Variants in UNC13B observed in about 807,000 individuals in gnomAD.
The protein encoded by UNC13B is unc-13 homolog B, also known as protein unc-13 homolog B.
In UNC13B, 144 loss-of-function variants were observed where a neutral mutation model predicts 211.0. That is an observed-to-expected ratio of 0.68 (90% CI 0.60 to 0.78). The LOEUF (loss-of-function observed/expected upper bound fraction) is 0.78, where lower values mean the gene tolerates loss of function less well. Ranked by LOEUF, UNC13B falls within the 30% of genes least tolerant of loss-of-function variation. The pLI is 0.00. For missense variants in UNC13B, 1,777 were observed against 2,002.0 expected, an observed-to-expected ratio of 0.89 and a Z score of 2.14; for synonymous variants, 709 against 725.8, an observed-to-expected ratio of 0.98 and a Z score of 0.37.
chr9:35,195,667 A>T (rs1323974020), intron 1 of UNC13B, among the ~76,000 whole-genome samples: 1 of 152,224 alleles, frequency 6.6e-6, no homozygotes, highest in African/African-American at 2.4e-5. Context: ...ATAAGGTCTC[A>T]AATACCCTTT....
chr9:35,188,114 G>C (rs1822460452), intron 1 of UNC13B, among the ~76,000 whole-genome samples: 1 of 152,188 alleles, frequency 6.6e-6, no homozygotes. Context: ...TGTGAGTGCA[G>C]TCCATTTAGT....
chr9:35,349,293 A>G (rs1587673469), intron 11 of UNC13B, among the ~76,000 whole-genome samples: 1 of 151,220 alleles, frequency 6.6e-6, no homozygotes, highest in Admixed American at 6.6e-5. Context: ...AACATTGTTC[A>G]TGGCTAATAC....
intron 1 of UNC13B, among the ~76,000 whole-genome samples, chr9:35,202,179 T>C (rs1823342598): frequency 6.6e-6 from 1 of 152,204 alleles, no homozygotes; most frequent in Non-Finnish European, 1.5e-5. Context: ...GAGTTCTAGT[T>C]TGATTGCACT....
chr9:35,180,202 T>C (rs1821858338), intron 1 of UNC13B, among the ~76,000 whole-genome samples: 1 of 152,260 alleles, frequency 6.6e-6, no homozygotes, highest in Non-Finnish European at 1.5e-5. Flanking sequence ...TACTTGTTTG[T>C]CTTTTGGTTT....
chr9:35,218,423 C>G (rs1445250254), intron 1 of UNC13B, among the ~76,000 whole-genome samples: 1 of 152,048 alleles, frequency 6.6e-6, no homozygotes, highest in Admixed American at 6.6e-5. Flanking sequence ...CTGATTCATA[C>G]AGCTCAATAT....
chr9:35,310,862 A>G (rs759422285), intron 10 of UNC13B, 81 bp downstream of exon 10: 5 of 1,382,950 alleles, frequency 3.6e-6, no homozygotes, highest in East Asian at 2.4e-5. Context: ...AGTGATTGTC[A>G]TTTGTTTCCC....
At chr9:35,339,662 A>G (rs1321852664) in intron 11 of UNC13B, among the ~76,000 whole-genome samples, 1 of 152,238 alleles carries the variant, frequency 6.6e-6, no homozygotes, top group Admixed American at 6.5e-5. Context: ...AAGTTTGAAG[A>G]TTGTAACTGG....
At chr9:35,216,539 A>G (rs1181197987) in intron 1 of UNC13B, among the ~76,000 whole-genome samples, 2 of 152,186 alleles carry the variant, frequency 1.3e-5, no homozygotes, top group African/African-American at 4.8e-5. Flanking sequence ...TTTTCTCTTT[A>G]AAAGATGGTG....
At chr9:35,257,537 C>G (rs12350757) in intron 6 of UNC13B, among the ~76,000 whole-genome samples, 2,288 of 130,942 alleles carry the variant, frequency 0.017, 53 homozygotes, top group African/African-American at 0.062. Context: ...GCCGAAATAG[C>G]TCCACTGCAC....
chr9:35,342,921 CAGAG>C (rs369618006), intron 11 of UNC13B, among the ~76,000 whole-genome samples: 3 of 152,058 alleles, frequency 2.0e-5, no homozygotes, highest in Admixed American at 6.6e-5. Context: ...GAGAGAGAGA[CAGAG>C]AGAAAGAGAA....
At position 35,304,324 on chromosome 9, in the gene UNC13B, C is replaced by T. The variant is rs1829824612; in HGVS notation, c.4920C>T (p.Asp1640=). The T allele has an allele frequency of 2.5e-6, 1 of 398,608 alleles. No individual in the cohort carries two copies. Among genetic ancestry groups the T allele is most frequent in the Non-Finnish European group, 4.4e-6 (1 of 225,852 alleles). 24.7% of individuals were successfully genotyped at this position (398,608 alleles called of 1,614,324 possible). ...FSQVLKESSC[D]QSDQPLDFSG... ...AAGTACTTAAAGAGTCAAGTTGTGA[C>T]CAAAGCGATCAGCCACTAGATTTTT... is the stretch of plus-strand genomic sequence containing the variant. Residue 1640 remains aspartate, a synonymous_variant, in exon 9 of 40, where the codon GAC becomes GAT. Transcript: ENST00000635942.
rs1032534186 is a variant in UNC13B at position 35,303,079 on chromosome 9, C to T, written c.3675C>T (p.Val1225=). ...NGDNHLSLDE[V]PATSCVTSEN... ...ATAACCATTTATCCTTGGATGAGGT[C>T]CCTGCTACTTCATGTGTGACTTCTG... is the stretch of plus-strand genomic sequence containing the variant. Residue 1225 remains valine, a synonymous_variant, in exon 9 of 40, where the codon GTC becomes GTT. Transcript: ENST00000635942. 1.6e-4 allele frequency: 64 copies of T among 398,550 alleles called. No individual in the cohort carries two copies. Among genetic ancestry groups the T allele is most frequent in the Admixed American group, 8.8e-5 (2 of 22,690 alleles). The allele number at this position is 398,550 out of a possible 1,614,324, so 24.7% of individuals were successfully genotyped here.
At chr9:35,298,574 C>A (rs1040049376) in intron 8 of UNC13B, among the ~76,000 whole-genome samples, 3 of 152,174 alleles carry the variant, frequency 2.0e-5, no homozygotes, top group African/African-American at 7.2e-5. Flanking sequence ...CCTGCCTTGG[C>A]CTCCGAAAGT....
chr9:35,235,119 G>A (rs1441291833), intron 3 of UNC13B, among the ~76,000 whole-genome samples: 1 of 152,140 alleles, frequency 6.6e-6, no homozygotes, highest in Admixed American at 6.5e-5. Flanking sequence ...GTTTGAGTTA[G>A]TCCTTCCAAG....
chr9:35,378,718 T>C (rs1182711811), intron 17 of UNC13B, among the ~76,000 whole-genome samples: 1 of 152,112 alleles, frequency 6.6e-6, no homozygotes, highest in Non-Finnish European at 1.5e-5. Flanking sequence ...ATTTTACTAC[T>C]TTACTGCTCA....
At position 35,291,998 on chromosome 9, in the gene UNC13B, G is replaced by A. The variant is rs191645051; in HGVS notation, c.527-3698G>A. 4.6e-5 allele frequency among the ~76,000 whole-genome samples: 7 copies of A among 152,238 alleles called. No individual in the cohort carries two copies. In the South Asian group the frequency reaches 6.2e-4, roughly 14 times the overall value. Reference sequence around the variant, plus strand: ...TTATATCCTACTGCTCAAGGTCATCGCCAAGCAGTAGGTGACCTCAAGCAT... The same window carrying A: ...TTATATCCTACTGCTCAAGGTCATCACCAAGCAGTAGGTGACCTCAAGCAT... On this transcript the variant is annotated intron_variant, in intron 7 of 39. Coordinates refer to ENST00000635942, the MANE Select transcript of UNC13B (RefSeq NM_001371189.2).
At chr9:35,273,333 T>C (rs1192265265) in intron 7 of UNC13B, among the ~76,000 whole-genome samples, 1 of 152,238 alleles carries the variant, frequency 6.6e-6, no homozygotes, top group Non-Finnish European at 1.5e-5. Flanking sequence ...ATAAAATTAC[T>C]TACCTTTCCT....
chr9:35,378,286 G>A lies in UNC13B; in HGVS notation c.10064-9G>A. 1 of 1,614,124 alleles carries A rather than the reference G, an allele frequency of 6.2e-7. No individual in the cohort carries two copies. Among genetic ancestry groups the A allele is most frequent in the Non-Finnish European group, 8.5e-7 (1 of 1,180,014 alleles). ...ACTCTGAAGCCTCCTATACATGCTT[G>A]GGTTGCAGTGGTGTGTGCCCAGGGC... On this transcript the variant is annotated splice_polypyrimidine_tract_variant and intron_variant, in intron 16 of 39. Transcript: ENST00000635942.
At chr9:35,331,140 A>G (rs915609186) in intron 11 of UNC13B, among the ~76,000 whole-genome samples, 1 of 152,178 alleles carries the variant, frequency 6.6e-6, no homozygotes. Context: ...ACCAATGAGA[A>G]TATTCATTGC....
Sources: allele counts gnomAD v4.1 joint callset (sites outside exome capture counted in the v4.1 genomes callset), GRCh38; gene constraint gnomAD v4.1.1; transcripts MANE v1.5; gene names NCBI Gene and HGNC (gene_info 2026-07-23, HGNC 2026-07-21).